Variants in PPARD observed in about 807,000 individuals in gnomAD.
The protein encoded by PPARD is peroxisome proliferator-activated receptor delta.
Under a neutral mutation model 39.5 loss-of-function variants are expected in PPARD, and 6 were observed. The observed-to-expected ratio is 0.15, with a 90% CI of 0.08 to 0.30. The LOEUF is 0.30. Ranked by LOEUF, PPARD falls within the 10% of genes least tolerant of loss-of-function variation. PPARD has a pLI of 1.00. For synonymous variants in PPARD, 210 were observed against 231.3 expected (o/e 0.91, Z 0.83); for missense variants, 397 against 596.8 (o/e 0.67, Z 3.49).
chr6:35,407,364 C>T (rs772954284), intron 2 of PPARD, among the ~76,000 whole-genome samples: 2 of 152,076 alleles, frequency 1.3e-5, no homozygotes, highest in African/African-American at 4.8e-5. Context: ...GCCGCCACTG[C>T]GCTGTGGCTC....
chr6:35,387,279 G>A (rs766213553), intron 2 of PPARD, among the ~76,000 whole-genome samples: 1 of 152,136 alleles, frequency 6.6e-6, no homozygotes, highest in Non-Finnish European at 1.5e-5. Context: ...CAGCATCTGC[G>A]TGGCTTCTGG....
intron 3 of PPARD, among the ~76,000 whole-genome samples, chr6:35,415,283 C>G (rs1454209595): frequency 6.6e-6 from 1 of 152,204 alleles, no homozygotes; most frequent in Non-Finnish European, 1.5e-5. Context: ...GTAACCCAGC[C>G]TCAAATCCCT....
chr6:35,394,109 C>A (rs1279207407), intron 2 of PPARD, among the ~76,000 whole-genome samples: 1 of 152,236 alleles, frequency 6.6e-6, no homozygotes. Context: ...CCACCAGTCC[C>A]CCTCATTCTC....
intron 2 of PPARD, among the ~76,000 whole-genome samples, chr6:35,392,029 G>T (rs1764035759): frequency 6.6e-6 from 1 of 151,974 alleles, no homozygotes; most frequent in Non-Finnish European, 1.5e-5. Context: ...AGCCTTATAG[G>T]CCCTGACAGG....
chr6:35,356,975 A>C (rs1194844239), intron 2 of PPARD, among the ~76,000 whole-genome samples: 2 of 152,242 alleles, frequency 1.3e-5, no homozygotes, highest in African/African-American at 4.8e-5. Context: ...GAAGAAAGAA[A>C]GCATATGATG....
At chr6:35,398,257 C>T (rs1764472311) in intron 2 of PPARD, among the ~76,000 whole-genome samples, 1 of 152,096 alleles carries the variant, frequency 6.6e-6, no homozygotes, top group South Asian at 2.1e-4. Context: ...AGTTAGGAGG[C>T]TGTTAAGTAA....
chr6:35,403,111 T>C (rs1764810008), intron 2 of PPARD, among the ~76,000 whole-genome samples: 3 of 152,144 alleles, frequency 2.0e-5, no homozygotes, highest in African/African-American at 4.8e-5. Context: ...CTCCCCACAA[T>C]TGATGGTGAG....
chr6:35,416,062 T>G (rs1225844812), intron 3 of PPARD, among the ~76,000 whole-genome samples: 1 of 152,104 alleles, frequency 6.6e-6, no homozygotes, highest in African/African-American at 2.4e-5. Flanking sequence ...AGTCTTCTGA[T>G]TTAAATGTTA....
At chr6:35,350,791 A>G (rs1224692380) in intron 2 of PPARD, among the ~76,000 whole-genome samples, 2 of 151,062 alleles carry the variant, frequency 1.3e-5, no homozygotes, top group African/African-American at 4.9e-5. Context: ...ATGCCTGGCT[A>G]ATTTTTTGTG....
At chr6:35,408,445 G>A (rs1056651731) in intron 2 of PPARD, among the ~76,000 whole-genome samples, 2 of 152,162 alleles carry the variant, frequency 1.3e-5, no homozygotes, top group African/African-American at 4.8e-5. Flanking sequence ...AGAAAGCCAC[G>A]GGGTGAGCAG....
intron 2 of PPARD, among the ~76,000 whole-genome samples, chr6:35,400,571 G>A (rs181460267): frequency 5.1e-4 from 77 of 152,170 alleles, no homozygotes; most frequent in East Asian, 2.7e-3. Flanking sequence ...AGGCTGAGGC[G>A]GGTGGATAAC....
At chr6:35,411,952 A>G (rs1010978981) in intron 3 of PPARD, among the ~76,000 whole-genome samples, 4 of 152,094 alleles carry the variant, frequency 2.6e-5, no homozygotes, top group African/African-American at 9.7e-5. Flanking sequence ...TTTTTGAGAC[A>G]AAGTCTCCTT....
Position 35,366,147 on chromosome 6 carries a change from A to C in PPARD, c.-102+18997A>C, listed in dbSNP as rs573090135. ...CTATTCCTGCATAACAAATTACCCC[A>C]AAACTTAGTAGCTTAAAACACTATC... is the stretch of plus-strand genomic sequence containing the variant. On this transcript the variant is annotated intron_variant, in intron 2 of 7. Coordinates refer to ENST00000360694, the MANE Select transcript of PPARD (RefSeq NM_006238.5). This position sits in a 1 kb window ranked among gnomAD's most constrained non-coding sequence, Gnocchi z 4.6. Among the ~76,000 whole-genome samples, 11 of 151,982 alleles carry C rather than the reference A, an allele frequency of 7.2e-5. No individual in the cohort carries two copies. The highest frequency in any genetic ancestry group is 1.5e-4 in the Non-Finnish European group (10 of 68,036).
At chr6:35,379,124 A>G (rs938523427) in intron 2 of PPARD, among the ~76,000 whole-genome samples, 6 of 141,876 alleles carry the variant, frequency 4.2e-5, no homozygotes, top group African/African-American at 1.6e-4. Flanking sequence ...CTTTTTTGAG[A>G]TAGCGTCTCA....
intron 2 of PPARD, among the ~76,000 whole-genome samples, chr6:35,347,908 C>A (rs1314069758): frequency 8.2e-6 from 1 of 122,086 alleles, no homozygotes; most frequent in Admixed American, 8.5e-5. Flanking sequence ...CGCACCTGGC[C>A]TTTTTTTTTT....
intron 1 of PPARD, among the ~76,000 whole-genome samples, chr6:35,345,908 G>C (rs937948299): frequency 7.8e-6 from 1 of 128,920 alleles, no homozygotes; most frequent in African/African-American, 3.1e-5. Context: ...ATGGAGTCTC[G>C]CTCTGTCGCC....
In PPARD at chr6:35,380,459, GTTTTTTTTTTTTGTTTGTT is replaced by G. The variant is rs1242847432; in HGVS notation, c.-101-30515_-101-30497del. Among the ~76,000 whole-genome samples the G allele has an allele frequency of 7.5e-4, 73 of 97,154 alleles. 1 individual carries two copies. The highest frequency in any genetic ancestry group is 2.4e-3 in the African/African-American group (72 of 29,626). The allele number at this position is 97,154 out of a possible 152,430, so 63.7% of individuals were successfully genotyped here. A position where few individuals can be genotyped will look rare whatever the true frequency, so the allele number is the denominator to read the frequency against. Reference sequence around the variant, plus strand: ...CATACTCAGAGCCAATTAACCTCGTGTTTTTTTTTTTTGTTTGTTTTTTTTTTTTTTTTTTTTTTTTTTT... The same window carrying G: ...CATACTCAGAGCCAATTAACCTCGTGTTTTTTTTTTTTTTTTTTTTTTTTT... On this transcript the variant is annotated intron_variant, in intron 2 of 7. Transcript: ENST00000360694.
chr6:35,407,628 A>G (rs370026586), intron 2 of PPARD, among the ~76,000 whole-genome samples: 1 of 151,970 alleles, frequency 6.6e-6, no homozygotes, highest in Non-Finnish European at 1.5e-5. Context: ...TAACCTGCAC[A>G]TTGTGCACAT....
At chr6:35,360,706 G>C (rs1761882584) in intron 2 of PPARD, among the ~76,000 whole-genome samples, 1 of 152,230 alleles carries the variant, frequency 6.6e-6, no homozygotes, top group Non-Finnish European at 1.5e-5. Flanking sequence ...CATGGGCCCT[G>C]CCTAAGCTAG....
Sources: gnomAD v4.1 joint callset for allele counts (sites outside exome capture counted in the v4.1 genomes callset) on GRCh38, gnomAD v4.1.1 for gene constraint, Gnocchi (gnomAD v3.1) non-coding constraint, MANE v1.5 for transcripts, NCBI Gene and HGNC (gene_info 2026-07-23, HGNC 2026-07-21) for gene names.